Variants in PLCB1 observed in about 807,000 individuals in gnomAD.
The protein encoded by PLCB1 is phospholipase C beta 1, also known as 1-phosphatidylinositol 4,5-bisphosphate phosphodiesterase beta-1.
In PLCB1, 46 loss-of-function variants were observed where a neutral mutation model predicts 161.8. That is an observed-to-expected ratio of 0.28 (90% CI 0.22 to 0.36). The LOEUF is 0.36. PLCB1 is among the 10% of genes least tolerant of loss of function. The pLI is 1.00. For synonymous variants in PLCB1, 517 were observed against 503.7 expected, an observed-to-expected ratio of 1.03 and a Z score of -0.35; for missense variants, 1,016 against 1,472.5, an observed-to-expected ratio of 0.69 and a Z score of 5.07.
Position 8,132,564 on chromosome 20 carries a change from G to C in PLCB1, c.-88G>C. On this transcript the variant is annotated 5_prime_UTR_variant, in exon 1 of 32. Coordinates refer to ENST00000338037, the MANE Select transcript of PLCB1 (RefSeq NM_015192.4). This position sits in a 1 kb window ranked among gnomAD's most constrained non-coding sequence, Gnocchi z 5.2. ...TCGAGCGCCTCCGGAGCAGAGAAAG[G>C]AGCCCGCGCCCCGCGCCCCGCGCCC... 1 of 801,782 alleles carries C rather than the reference G, an allele frequency of 1.2e-6. No homozygotes were observed. Among genetic ancestry groups the C allele is most frequent in the Non-Finnish European group, 1.8e-6 (1 of 549,548 alleles). The allele number at this position is 801,782 out of a possible 1,614,324, so 49.7% of individuals were successfully genotyped here.
chr20:8,162,802 G>T (rs1037208047), intron 2 of PLCB1, among the ~76,000 whole-genome samples: 25 of 152,192 alleles, frequency 1.6e-4, no homozygotes, highest in African/African-American at 5.8e-4. Flanking sequence ...GACTGTGCTG[G>T]TATACATAAT....
chr20:8,816,351 T>C (rs1303120005), intron 31 of PLCB1, among the ~76,000 whole-genome samples: 1 of 152,138 alleles, frequency 6.6e-6, no homozygotes, highest in African/African-American at 2.4e-5. Context: ...AATTTTGGAA[T>C]ACCAAAAACA....
At chr20:8,847,878 T>C (rs570275543) in intron 31 of PLCB1, among the ~76,000 whole-genome samples, 2 of 152,316 alleles carry the variant, frequency 1.3e-5, no homozygotes, top group South Asian at 2.1e-4. Context: ...ACAAAATGCC[T>C]GAGACTGGCA....
chr20:8,260,332 T>A lies in PLCB1; in HGVS notation c.177+109961T>A, dbSNP rs1981631230. Among the ~76,000 whole-genome samples the A allele has an allele frequency of 2.0e-5, 3 of 150,816 alleles. No homozygotes were observed. In the South Asian group the frequency reaches 6.4e-4, roughly 32 times the overall value. On this transcript the variant is annotated intron_variant, in intron 2 of 31. Transcript: ENST00000338037. ...CTCCTGGGCTCAAGCAATTCTCCCCTCCTGAGCCTCCCGAAATGCTGGGAT... is the reference window on the plus strand; with the variant it reads ...CTCCTGGGCTCAAGCAATTCTCCCCACCTGAGCCTCCCGAAATGCTGGGAT...
chr20:8,550,079 A>G (rs779412009), intron 3 of PLCB1, among the ~76,000 whole-genome samples: 3 of 152,096 alleles, frequency 2.0e-5, no homozygotes, highest in Non-Finnish European at 2.9e-5. Flanking sequence ...CTGTACCCCT[A>G]TTGTATGTAG....
At chr20:8,511,718 A>G (rs1413279148) in intron 3 of PLCB1, among the ~76,000 whole-genome samples, 2 of 152,136 alleles carry the variant, frequency 1.3e-5, no homozygotes, top group Non-Finnish European at 2.9e-5. Flanking sequence ...AGCCATTCTA[A>G]CAGGTATGAG....
intron 19 of PLCB1, among the ~76,000 whole-genome samples, chr20:8,735,822 C>T (rs545313158): frequency 1.8e-4 from 28 of 152,274 alleles, no homozygotes; most frequent in African/African-American, 6.0e-4. Context: ...TGCACTCAAG[C>T]CAAATAGAAC....
intron 3 of PLCB1, among the ~76,000 whole-genome samples, chr20:8,457,555 C>T (rs1981370894): frequency 1.3e-5 from 2 of 152,156 alleles, no homozygotes; most frequent in Admixed American, 6.6e-5. Flanking sequence ...CAAGTTCAAT[C>T]CTATTAAAAT....
chr20:8,759,137 G>T lies in PLCB1; in HGVS notation c.2657-1270G>T, dbSNP rs115444087. Among the ~76,000 whole-genome samples the T allele has an allele frequency of 6.0e-3, 907 of 152,256 alleles. 9 individuals are homozygous for T. The highest frequency in any genetic ancestry group is 0.021 in the African/African-American group (866 of 41,542). ...TGGTACTTTGGAAGAACTCTGGTCA[G>T]TTATTTTGTTGAACATCCCTCAGTC... On this transcript the variant is annotated intron_variant, in intron 24 of 31. Coordinates refer to ENST00000338037, the MANE Select transcript of PLCB1 (RefSeq NM_015192.4).
intron 3 of PLCB1, among the ~76,000 whole-genome samples, chr20:8,444,344 T>C (rs1188367907): frequency 6.6e-6 from 1 of 151,724 alleles, no homozygotes; most frequent in Non-Finnish European, 1.5e-5. Flanking sequence ...CTAGAAACCA[T>C]AGCTTCATCC....
chr20:8,557,138 G>T (rs1985990973), intron 3 of PLCB1, among the ~76,000 whole-genome samples: 1 of 151,800 alleles, frequency 6.6e-6, no homozygotes, highest in South Asian at 2.1e-4. Context: ...AAATGGTATT[G>T]TATTTTTTCA....
chr20:8,564,185 A>G (rs1328257244), intron 3 of PLCB1, among the ~76,000 whole-genome samples: 1 of 152,022 alleles, frequency 6.6e-6, no homozygotes, highest in African/African-American at 2.4e-5. Context: ...CTCAGAAATA[A>G]CACCACACAT....
intron 3 of PLCB1, among the ~76,000 whole-genome samples, chr20:8,519,005 G>A (rs564380126): frequency 2.4e-4 from 37 of 152,200 alleles, no homozygotes; most frequent in Non-Finnish European, 4.1e-4. Flanking sequence ...CAGAGCTCAG[G>A]TGGTGATGGG....
At chr20:8,292,812 G>A (rs1983446213) in intron 2 of PLCB1, among the ~76,000 whole-genome samples, 2 of 152,114 alleles carry the variant, frequency 1.3e-5, no homozygotes, top group African/African-American at 4.8e-5. Flanking sequence ...GGTTTTTAAT[G>A]TTACATTTCT....
chr20:8,398,438 T>C (rs956126342), intron 3 of PLCB1, among the ~76,000 whole-genome samples: 1 of 152,142 alleles, frequency 6.6e-6, no homozygotes, highest in Non-Finnish European at 1.5e-5. Context: ...AATAAAAACA[T>C]TACCCACAGT....
At chr20:8,514,592 TTATC>T (rs1228443594) in intron 3 of PLCB1, among the ~76,000 whole-genome samples, 1 of 151,978 alleles carries the variant, frequency 6.6e-6, no homozygotes, top group Non-Finnish European at 1.5e-5. Flanking sequence ...AGAAAACAGA[TTATC>T]TACCGTAATA....
chr20:8,161,137 A>G (rs1300226116), intron 2 of PLCB1, among the ~76,000 whole-genome samples: 7 of 152,142 alleles, frequency 4.6e-5, no homozygotes, highest in African/African-American at 1.4e-4. Context: ...TATAGTCTGT[A>G]TATTTATAGC....
intron 2 of PLCB1, among the ~76,000 whole-genome samples, chr20:8,336,848 A>G (rs1342244338): frequency 1.3e-5 from 2 of 150,962 alleles, no homozygotes; most frequent in Non-Finnish European, 3.0e-5. Flanking sequence ...TTTCTTTTCT[A>G]TTTCTCTCTT....
chr20:8,258,350 T>C (rs893435530), intron 2 of PLCB1, among the ~76,000 whole-genome samples: 28 of 152,138 alleles, frequency 1.8e-4, no homozygotes, highest in African/African-American at 6.3e-4. Flanking sequence ...CATTGATTGA[T>C]TGTGGAGCCT....
Sources: gnomAD v4.1 joint callset for allele counts (sites outside exome capture counted in the v4.1 genomes callset) on GRCh38, gnomAD v4.1.1 for gene constraint, Gnocchi (gnomAD v3.1) non-coding constraint, MANE v1.5 for transcripts, NCBI Gene and HGNC (gene_info 2026-07-23, HGNC 2026-07-21) for gene names.